The following ZNF728 variants were observed in gnomAD, a reference collection of about 807,000 sequenced individuals.
ZNF728 encodes zinc finger protein 728.
ZNF728 carries 12 observed loss-of-function variants against 12.5 expected under a neutral mutation model. The observed-to-expected ratio is 0.96, with a 90% confidence interval of 0.61 to 1.55. The LOEUF (loss-of-function observed/expected upper bound fraction) is 1.55, where lower values mean the gene tolerates loss of function less well. ZNF728 is among the 40% of genes most tolerant of loss of function. The pLI is 0.00. For synonymous variants in ZNF728, 205 were observed against 240.7 expected (o/e 0.85, Z 1.37); for missense variants, 692 against 719.2 (o/e 0.96, Z 0.43).
chr19:22,994,560 T>C (rs1210084329), intron 1 of ZNF728, among the ~76,000 whole-genome samples: 1 of 152,180 alleles, frequency 6.6e-6, no homozygotes, highest in Non-Finnish European at 1.5e-5. Context: ...ACAAGTAGAA[T>C]TTACAGCACC....
At chr19:22,984,573 A>AT (rs1454286182) in intron 3 of ZNF728, among the ~76,000 whole-genome samples, 129 of 86,558 alleles carry the variant, frequency 1.5e-3, no homozygotes, top group African/African-American at 8.3e-3. Flanking sequence ...AAAAAAAAAA[A>AT]AAATACACAC....
At chr19:22,992,702 C>A (rs1398151912) in intron 1 of ZNF728, among the ~76,000 whole-genome samples, 6 of 152,192 alleles carry the variant, frequency 3.9e-5, no homozygotes, top group African/African-American at 1.4e-4. Flanking sequence ...ACCAAAGATA[C>A]TTCTTGTATA....
chr19:22,988,292 A>T (rs760563921), intron 2 of ZNF728, 33 bp downstream of exon 2: 2 of 1,613,992 alleles, frequency 1.2e-6, no homozygotes, highest in South Asian at 2.2e-5. Flanking sequence ...CCTATAGTGT[A>T]TACTAGGAAT....
rs146923451 is a variant in ZNF728 at position 22,976,129 on chromosome 19, T to C, written c.1208A>G (p.Lys403Arg). Residue 403 changes from lysine (K) to arginine (R), a missense_variant, in exon 4 of 4, where the codon AAA (lysine) becomes AGA (arginine). Transcript: ENST00000594710. ...AAGTGTTGAGGACCACTTAAAGGTT[T>C]TGCCACATTCTTCACATTTGTAAGG... ...DKPYKCEECGKTFKWSSTLTK... is the reference protein window; with the variant it reads ...DKPYKCEECGRTFKWSSTLTK... 3,285 of 1,613,222 alleles carry C rather than the reference T, an allele frequency of 2.0e-3. 68 individuals are homozygous for C. The African/African-American group carries it at 0.037, about 18-fold the overall frequency.
chr19:22,988,411 A>G lies in ZNF728; in HGVS notation c.44T>C (p.Leu15Pro). The G allele has an allele frequency of 6.2e-7, 1 of 1,614,108 alleles. No individual in the cohort carries two copies. The highest frequency in any genetic ancestry group is 8.5e-7 in the Non-Finnish European group (1 of 1,179,986). Residue 15 changes from leucine to proline, a missense_variant, in exon 2 of 4, where the codon CTG becomes CCG. Around this residue, in one of 3 missense-constraint regions of ZNF728, gnomAD observed 440 missense variants for 459.6 expected, o/e 0.96. Coordinates refer to ENST00000594710, the MANE Select transcript of ZNF728 (RefSeq NM_001267716.2). Reference protein sequence around the residue: ...TFRDVAIQFSLEEWQCLDTAQ... With the variant: ...TFRDVAIQFSPEEWQCLDTAQ... The stretch of plus-strand genomic sequence containing the variant: ...AGTGTCCAGGCATTGCCACTCCTCC[A>G]GAGAGAATTGTATGGCCACATCCCG...
chr19:22,981,078 T>C (rs1025337010), intron 3 of ZNF728, among the ~76,000 whole-genome samples: 10 of 147,682 alleles, frequency 6.8e-5, no homozygotes, highest in African/African-American at 2.5e-4. Context: ...AAAAAAAAAA[T>C]TCAATGAATC....
rs148699904 is a variant in ZNF728 at position 22,985,227 on chromosome 19, A to C, written c.226+2081T>G. 4.6e-3 allele frequency among the ~76,000 whole-genome samples: 701 copies of C among 152,326 alleles called. 6 individuals are homozygous for C. The highest frequency in any genetic ancestry group is 0.016 in the African/African-American group (657 of 41,572). ...AAGACAAAGATTATATGAGATATATAGCTATAAAGCATTTACACTCTTAGA... is the reference window on the plus strand; with the variant it reads ...AAGACAAAGATTATATGAGATATATCGCTATAAAGCATTTACACTCTTAGA... On this transcript the variant is annotated intron_variant, in intron 3 of 3. Coordinates refer to ENST00000594710, the MANE Select transcript of ZNF728 (RefSeq NM_001267716.2).
rs1968802525 is a variant in ZNF728 at position 22,976,510 on chromosome 19, C to G, written c.827G>C (p.Arg276Thr). 1.2e-6 allele frequency: 2 copies of G among 1,612,588 alleles called. No individual in the cohort carries two copies. Among genetic ancestry groups the G allele is most frequent in the African/African-American group, 2.7e-5 (2 of 74,812 alleles). Residue 276 changes from arginine to threonine, a missense_variant, in exon 4 of 4, where the codon AGA becomes ACA. This residue lies in a region of ZNF728 where 440 missense variants were observed against 459.6 expected (regional missense o/e 0.96). Coordinates refer to ENST00000594710, the MANE Select transcript of ZNF728 (RefSeq NM_001267716.2). ...TRSSSLIEHK[R>T]SHAGEKPYKC... is the part of the protein sequence containing the mutation. ...GTAGGGTTTCTCTCCAGCATGACTT[C>G]TCTTATGTTCAATAAGGCTTGAGGA...
In ZNF728 at chr19:22,977,106, T is replaced by C. The variant is rs778123035; in HGVS notation, c.231A>G (p.Ile77Met). The part of the protein sequence containing the change: ...RHELVKEPPV[I>M]CSHFAQDLWP... ...AAAGGTCTTGAGCAAAATGAGAACA[T>C]ATAACTGAAAAGAAATAAAAATAAC... The change falls in exon 4 of 4, where the codon ATA becomes ATG. Residue 77 changes from isoleucine (I) to methionine (M), a missense_variant. Around this residue, in one of 3 missense-constraint regions of ZNF728, gnomAD observed 440 missense variants for 459.6 expected, o/e 0.96. Transcript: ENST00000594710. The C allele has an allele frequency of 2.6e-6, 4 of 1,552,256 alleles. No homozygotes were observed. Among genetic ancestry groups the C allele is most frequent in the Non-Finnish European group, 3.5e-6 (4 of 1,155,368 alleles).
At chr19:22,977,951 C>A (rs1968823639) in intron 3 of ZNF728, among the ~76,000 whole-genome samples, 1 of 151,538 alleles carries the variant, frequency 6.6e-6, no homozygotes, top group Non-Finnish European at 1.5e-5. Context: ...GAATAATACT[C>A]TGAGTGAAAT....
At chr19:22,984,264 G>GA (rs892582234) in intron 3 of ZNF728, among the ~76,000 whole-genome samples, 37 of 149,448 alleles carry the variant, frequency 2.5e-4, no homozygotes, top group African/African-American at 4.9e-4. Context: ...GAAAAAAATT[G>GA]AAAAAAAAAT....
At chr19:22,978,084 A>G (rs1449461627) in intron 3 of ZNF728, among the ~76,000 whole-genome samples, 3 of 152,000 alleles carry the variant, frequency 2.0e-5, no homozygotes, top group Non-Finnish European at 4.4e-5. Flanking sequence ...ATAATGTAAA[A>G]ATAAAAAACA....
chr19:22,988,792 C>T (rs1485460259), intron 1 of ZNF728, among the ~76,000 whole-genome samples: 5 of 152,032 alleles, frequency 3.3e-5, no homozygotes, highest in Admixed American at 6.5e-5. Context: ...TGGCTCATGC[C>T]TGTAATCCCA....
At chr19:22,982,544 A>G (rs1488043264) in intron 3 of ZNF728, among the ~76,000 whole-genome samples, 1 of 152,046 alleles carries the variant, frequency 6.6e-6, no homozygotes, top group Non-Finnish European at 1.5e-5. Flanking sequence ...AAAAGCTCAT[A>G]TAGCCAATCC....
At chr19:22,987,638 T>C (rs1217143579) in intron 2 of ZNF728, among the ~76,000 whole-genome samples, 1 of 152,194 alleles carries the variant, frequency 6.6e-6, no homozygotes, top group African/African-American at 2.4e-5. Flanking sequence ...TTTTAAGGTG[T>C]GAGCACCAGT....
chr19:22,988,362 A>G lies in ZNF728; in HGVS notation c.93T>C (p.Asn31=), dbSNP rs778301744. 6.2e-7 allele frequency: 1 copy of G among 1,614,162 alleles called. No homozygotes were observed. Among genetic ancestry groups the G allele is most frequent in the Non-Finnish European group, 8.5e-7 (1 of 1,180,008 alleles). ...GGTTTCTGTAGTTCTCTAACATCAC[A>G]TTCCTATATAAATTCTGCTGTGCAG... ...LDTAQQNLYR[N]VMLENYRNLV... Residue 31 remains asparagine, a synonymous_variant, in exon 2 of 4, where the codon AAT becomes AAC. Coordinates refer to ENST00000594710, the MANE Select transcript of ZNF728 (RefSeq NM_001267716.2).
intron 1 of ZNF728, among the ~76,000 whole-genome samples, chr19:22,999,948 T>A (rs1355464179): frequency 6.6e-6 from 1 of 152,226 alleles, no homozygotes; most frequent in Non-Finnish European, 1.5e-5. Flanking sequence ...TCTACCACAT[T>A]TTCTTGTGGA....
chr19:22,984,606 A>G (rs1968895877), intron 3 of ZNF728, among the ~76,000 whole-genome samples: 1 of 148,618 alleles, frequency 6.7e-6, no homozygotes, highest in Non-Finnish European at 1.5e-5. Flanking sequence ...ACACACACAC[A>G]CACACACACA....
Position 22,988,486 on chromosome 19 carries a change from G to A in ZNF728, c.4-35C>T, listed in dbSNP as rs551735211. ...ACACACAAACACACATATTTACCAA[G>A]TGGTCATGGGCAGAATTTTTAATTT... On this transcript the variant is annotated intron_variant, in intron 1 of 3. Transcript: ENST00000594710. The A allele has an allele frequency of 3.7e-6, 6 of 1,609,382 alleles. No homozygotes were observed. In the African/African-American group the frequency reaches 4.0e-5, roughly 11 times the overall value.
Sources: allele counts gnomAD v4.1 joint callset (sites outside exome capture counted in the v4.1 genomes callset), GRCh38; gene constraint gnomAD v4.1.1; regional missense constraint gnomAD v4.1.1; transcripts MANE v1.5; gene names NCBI Gene and HGNC (gene_info 2026-07-23, HGNC 2026-07-21).